Variants in DGKH observed in about 807,000 individuals in gnomAD.
The protein encoded by DGKH is DAG kinase eta.
DGKH carries 90 observed loss-of-function variants against 159.3 expected under a neutral mutation model. The observed-to-expected ratio is 0.57, with a 90% CI of 0.48 to 0.67. The LOEUF is 0.67. Among genes scored for constraint, DGKH ranks in the 30% least tolerant of loss-of-function variants. The pLI, the probability that DGKH is intolerant of heterozygous loss-of-function variation, is 0.00. For synonymous variants in DGKH, 536 were observed against 553.8 expected (o/e 0.97, Z 0.45); for missense variants, 1,181 against 1,506.1 (o/e 0.78, Z 3.57).
intron 1 of DGKH, among the ~76,000 whole-genome samples, chr13:42,066,979 T>C (rs1220197903): frequency 6.7e-6 from 1 of 149,260 alleles, no homozygotes; most frequent in African/African-American, 2.4e-5. Context: ...ATATAACATA[T>C]AACATGTGAT....
At chr13:42,051,952 A>G (rs1881352149) in intron 1 of DGKH, among the ~76,000 whole-genome samples, 1 of 152,166 alleles carries the variant, frequency 6.6e-6, no homozygotes, top group South Asian at 2.1e-4. Context: ...GGGGTGAGCC[A>G]CGGCCTCAGC....
intron 1 of DGKH, among the ~76,000 whole-genome samples, chr13:42,126,093 T>A (rs1955165204): frequency 6.6e-6 from 1 of 152,202 alleles, no homozygotes; most frequent in African/African-American, 2.4e-5. Context: ...AAGGCTCTAG[T>A]GTAGTTTGCT....
intron 11 of DGKH, among the ~76,000 whole-genome samples, chr13:42,170,942 CA>C (rs5803114): frequency 0.47 from 63,618 of 135,672 alleles, 14,119 homozygotes; most frequent in East Asian, 0.68. Context: ...GACTCTGTCT[CA>C]AAAAAAAAAA....
At chr13:42,045,773 C>A (rs932620361), upstream of DGKH, among the ~76,000 whole-genome samples, 1 of 152,094 alleles carries the variant, frequency 6.6e-6, no homozygotes, top group East Asian at 1.9e-4. Context: ...TAACATTCTG[C>A]GTATTTATGG....
chr13:42,062,598 G>T (rs758060915), intron 1 of DGKH, among the ~76,000 whole-genome samples: 2 of 152,204 alleles, frequency 1.3e-5, no homozygotes, highest in Non-Finnish European at 2.9e-5. Flanking sequence ...ATCAGTCTTT[G>T]ATGTGGGTGG....
At chr13:42,079,670 C>T (rs1416004330) in intron 1 of DGKH, among the ~76,000 whole-genome samples, 2 of 152,148 alleles carry the variant, frequency 1.3e-5, no homozygotes, top group Non-Finnish European at 2.9e-5. Context: ...TCATCCCTGT[C>T]CCCTCCCACC....
rs77157995 is a variant in DGKH, at chr13:42,052,092, T to C, written c.192+3127T>C. 2.0e-3 allele frequency among the ~76,000 whole-genome samples: 311 copies of C among 152,348 alleles called. 5 individuals carry two copies. In the East Asian group the frequency reaches 0.052, roughly 26 times the overall value. Reference sequence around the variant, plus strand: ...ATATGTCATCATTTAACCAGTTTTTTGCAGAAGTAAATATGGGTTGTTTTA... The same window carrying C: ...ATATGTCATCATTTAACCAGTTTTTCGCAGAAGTAAATATGGGTTGTTTTA... On this transcript the variant is annotated intron_variant, in intron 1 of 29. Coordinates refer to ENST00000337343, the MANE Select transcript of DGKH (RefSeq NM_178009.5).
intron 11 of DGKH, among the ~76,000 whole-genome samples, chr13:42,173,199 G>A (rs918835280): frequency 6.6e-6 from 1 of 152,078 alleles, no homozygotes; most frequent in African/African-American, 2.4e-5. Context: ...TGGAACTCCT[G>A]AGCCCCAGCA....
Position 42,235,879 on chromosome 13 carries a change from CTATT to C in DGKH, c.*6695_*6698del. On this transcript the variant is annotated 3_prime_UTR_variant, in exon 30 of 30. Coordinates refer to ENST00000337343, the MANE Select transcript of DGKH (RefSeq NM_178009.5). ...AAATCTCACTTTTATGTTAAAATGTCTATTTATACAACAGGTTTCTCCTTTTGCT... is the reference window on the plus strand; with the variant it reads ...AAATCTCACTTTTATGTTAAAATGTCTATACAACAGGTTTCTCCTTTTGCT... 6.6e-6 allele frequency: 1 copy of C among 152,140 alleles called. No homozygotes were observed. Among genetic ancestry groups the C allele is most frequent in the East Asian group, 1.9e-4 (1 of 5,182 alleles). 9.4% of individuals were successfully genotyped at this position (152,140 alleles called of 1,614,324 possible). A position where few individuals can be genotyped will look rare whatever the true frequency, so the allele number is the denominator to read the frequency against.
intron 1 of DGKH, among the ~76,000 whole-genome samples, chr13:42,073,921 G>A (rs1366167956): frequency 6.6e-6 from 1 of 152,172 alleles, no homozygotes; most frequent in African/African-American, 2.4e-5. Flanking sequence ...TGACTGAACT[G>A]CACAATGGCT....
At chr13:42,189,483 GGTA>G (rs1957012653) in intron 15 of DGKH, among the ~76,000 whole-genome samples, 174 bp downstream of exon 15, 2 of 151,884 alleles carry the variant, frequency 1.3e-5, no homozygotes, top group Non-Finnish European at 1.5e-5. Context: ...ATATTGTTAT[GGTA>G]GTAGTAAGAA....
At chr13:42,070,534 T>A in intron 1 of DGKH, 1 of 1,412,874 alleles carries the variant, frequency 7.1e-7, no homozygotes, top group East Asian at 2.3e-5. Flanking sequence ...CTTCAAAAGA[T>A]GACTCTTACG....
At chr13:42,219,186 A>T (rs1957897550) in intron 26 of DGKH, 44 bp from the exon 27 acceptor site, 1 of 1,610,022 alleles carries the variant, frequency 6.2e-7, no homozygotes, top group African/African-American at 1.3e-5. Context: ...GAGGCTGGCC[A>T]CTGAGTCTTG....
chr13:42,106,460 G>A (rs1196291886), intron 1 of DGKH, among the ~76,000 whole-genome samples: 1 of 152,152 alleles, frequency 6.6e-6, no homozygotes, highest in Admixed American at 6.5e-5. Context: ...CATAGACAAT[G>A]AGAGTAACAT....
At chr13:42,207,108 T>TCTTTCTTA (rs1555276120) in intron 21 of DGKH, among the ~76,000 whole-genome samples, 3 of 135,474 alleles carry the variant, frequency 2.2e-5, no homozygotes, top group Non-Finnish European at 4.8e-5. Flanking sequence ...TTTCTTTCTT[T>TCTTTCTTA]CTTTCTCTTT....
chr13:42,213,136 G>A (rs1197285292), intron 24 of DGKH, among the ~76,000 whole-genome samples: 1 of 152,176 alleles, frequency 6.6e-6, no homozygotes, highest in Non-Finnish European at 1.5e-5. Flanking sequence ...CGACAGCAAA[G>A]CTGGGGCAAG....
At chr13:42,048,577 C>T (rs1435123533), upstream of DGKH, among the ~76,000 whole-genome samples, 1 of 152,142 alleles carries the variant, frequency 6.6e-6, no homozygotes, top group Non-Finnish European at 1.5e-5. The surrounding 1 kb of genome is among the most constrained non-coding windows in gnomAD (Gnocchi z 6.7). Flanking sequence ...GGGAACCGAG[C>T]GGAGGAGCCG....
At position 42,048,667 on chromosome 13, in the gene DGKH, C is replaced by T. The variant is rs1467817240; in HGVS notation, c.-107C>T. 2.5e-6 allele frequency: 3 copies of T among 1,193,354 alleles called. No individual in the cohort carries two copies. The highest frequency in any genetic ancestry group is 4.4e-5 in the South Asian group (1 of 22,716). The allele number at this position is 1,193,354 out of a possible 1,614,324, so 73.9% of individuals were successfully genotyped here. On this transcript the variant is annotated 5_prime_UTR_variant, in exon 1 of 30. Transcript: ENST00000337343. The surrounding 1 kb of genome is among the most constrained non-coding windows in gnomAD (Gnocchi z 6.7). Reference sequence around the variant, plus strand: ...TAGCTAGGGAAACGGAAGATGGCGGCGGCGGCCGGGCACGGGGTTCCGGGC... The same window carrying T: ...TAGCTAGGGAAACGGAAGATGGCGGTGGCGGCCGGGCACGGGGTTCCGGGC...
At chr13:42,061,988 G>GTGTGGGTGTGTGTGTGT (rs1555256128) in intron 1 of DGKH, among the ~76,000 whole-genome samples, 1 of 149,678 alleles carries the variant, frequency 6.7e-6, no homozygotes, top group Non-Finnish European at 1.5e-5. Flanking sequence ...TGTGTGTGTG[G>GTGTGGGTGTGTGTGTGT]GTGTGTGTGT....
Sources: allele counts gnomAD v4.1 joint callset (sites outside exome capture counted in the v4.1 genomes callset), GRCh38; gene constraint gnomAD v4.1.1; non-coding constraint Gnocchi (gnomAD v3.1); transcripts MANE v1.5; gene names NCBI Gene and HGNC (gene_info 2026-07-23, HGNC 2026-07-21).